The following ISM1 variants were observed in gnomAD, a reference collection of about 807,000 sequenced individuals.
ISM1 encodes isthmin-1.
Under a neutral mutation model 46.3 loss-of-function variants are expected in ISM1, and 25 were observed. That is an observed-to-expected ratio of 0.54 (90% CI 0.39 to 0.75). The LOEUF (loss-of-function observed/expected upper bound fraction) is 0.75. Ranked by LOEUF, ISM1 falls within the 30% of genes least tolerant of loss-of-function variation. ISM1 has a pLI of 0.00. For missense variants in ISM1, 536 were observed against 625.4 expected, an observed-to-expected ratio of 0.86 and a Z score of 1.52; for synonymous variants, 255 against 256.7, an observed-to-expected ratio of 0.99 and a Z score of 0.06.
the ISM1 span, among the ~76,000 whole-genome samples, chr20:13,318,208 CA>C: frequency 6.6e-6 from 1 of 151,332 alleles, no homozygotes; most frequent in African/African-American, 2.4e-5. Context: ...AGAAGATATA[CA>C]GATGGCAAAT....
chr20:13,319,739 C>G, the ISM1 span, among the ~76,000 whole-genome samples: 9 of 152,208 alleles, frequency 5.9e-5, no homozygotes, highest in Admixed American at 6.5e-5. Flanking sequence ...CCCCCTCCCC[C>G]CTGCACACAC....
intron 1 of ISM1, among the ~76,000 whole-genome samples, chr20:13,227,786 G>A (rs1458192955): frequency 6.6e-6 from 1 of 152,068 alleles, no homozygotes; most frequent in Non-Finnish European, 1.5e-5. Flanking sequence ...GGGATTACAG[G>A]TGTGAGCCAC....
At chr20:13,273,771 A>T (rs2040142084) in intron 2 of ISM1, among the ~76,000 whole-genome samples, 1 of 152,186 alleles carries the variant, frequency 6.6e-6, no homozygotes, top group Admixed American at 6.5e-5. Flanking sequence ...CAAAAAGAGT[A>T]AGCCAACAAT....
At chr20:13,258,077 C>T (rs1017143641) in intron 1 of ISM1, among the ~76,000 whole-genome samples, 2 of 152,074 alleles carry the variant, frequency 1.3e-5, no homozygotes, top group Admixed American at 1.3e-4. Context: ...GTGCCTGGAA[C>T]GGGTGGTATT....
At chr20:13,237,139 C>G (rs996947967) in intron 1 of ISM1, among the ~76,000 whole-genome samples, 2 of 152,178 alleles carry the variant, frequency 1.3e-5, no homozygotes, top group Admixed American at 1.3e-4. Context: ...GAAGTCCCTC[C>G]CACAACACAT....
intron 1 of ISM1, among the ~76,000 whole-genome samples, chr20:13,265,090 C>T (rs991863976): frequency 1.3e-5 from 2 of 152,272 alleles, no homozygotes; most frequent in Non-Finnish European, 2.9e-5. Context: ...CATATGAAAA[C>T]AGCAGGTGTC....
At chr20:13,296,225 T>A (rs2040405549) in intron 5 of ISM1, among the ~76,000 whole-genome samples, 1 of 152,122 alleles carries the variant, frequency 6.6e-6, no homozygotes, top group Non-Finnish European at 1.5e-5. Context: ...CACCTCCAAC[T>A]GGCAACCCCT....
intron 5 of ISM1, 139 bp from the exon 6 acceptor site, chr20:13,298,803 T>C: frequency 2.7e-6 from 2 of 751,494 alleles, no homozygotes; most frequent in South Asian, 1.8e-5. Flanking sequence ...AGGACAGGAG[T>C]TGTTGACTTC....
chr20:13,250,079 T>G (rs2039850112), intron 1 of ISM1, among the ~76,000 whole-genome samples: 1 of 152,174 alleles, frequency 6.6e-6, no homozygotes. Context: ...ATCATGCATG[T>G]TCTCTTTTTC....
At chr20:13,262,958 A>G (rs1196361652) in intron 1 of ISM1, among the ~76,000 whole-genome samples, 5 of 152,224 alleles carry the variant, frequency 3.3e-5, no homozygotes, top group African/African-American at 4.8e-5. Context: ...GCTATTAGTC[A>G]GACCGTGACA....
chr20:13,237,128 TG>T (rs1002237152), intron 1 of ISM1, among the ~76,000 whole-genome samples: 2 of 152,140 alleles, frequency 1.3e-5, no homozygotes, highest in Non-Finnish European at 2.9e-5. Context: ...GCAGCACACA[TG>T]AAGTCCCTCC....
chr20:13,299,134 A>G lies in ISM1; in HGVS notation c.1070A>G (p.Lys357Arg). 1 of 1,612,910 alleles carries G rather than the reference A, an allele frequency of 6.2e-7. No homozygotes were observed. ...AAGGACGCCAGCGGGCCCAAGGAGA[A>G]GCTGGAGATCTACAAGCCCACTGCC... ...RWKDASGPKE[K>R]LEIYKPTARY... is the part of the protein sequence containing the mutation. Residue 357 changes from lysine to arginine, a missense_variant, in exon 6 of 6, where the codon AAG becomes AGG. Coordinates refer to ENST00000262487, the MANE Select transcript of ISM1 (RefSeq NM_080826.2). This position sits in a 1 kb window ranked among gnomAD's most constrained non-coding sequence, Gnocchi z 5.8.
chr20:13,280,396 C>T (rs920368014), intron 3 of ISM1, among the ~76,000 whole-genome samples: 26 of 147,998 alleles, frequency 1.8e-4, no homozygotes, highest in Admixed American at 2.0e-4. Context: ...AAGTAACCCC[C>T]CCCCCCCAAT....
chr20:13,256,730 C>T (rs553876635), intron 1 of ISM1, among the ~76,000 whole-genome samples: 9 of 152,176 alleles, frequency 5.9e-5, no homozygotes, highest in Non-Finnish European at 1.3e-4. Flanking sequence ...CAGCTGTTTA[C>T]ACCCCTAGTA....
chr20:13,314,580 T>C, the ISM1 span, among the ~76,000 whole-genome samples: 1 of 151,518 alleles, frequency 6.6e-6, no homozygotes, highest in Non-Finnish European at 1.5e-5. Context: ...CAAACAAAAA[T>C]GGATGGAATT....
chr20:13,308,231 G>T, the ISM1 span, among the ~76,000 whole-genome samples: 1 of 152,196 alleles, frequency 6.6e-6, no homozygotes, highest in East Asian at 1.9e-4. Context: ...GAATGGCCCA[G>T]TGGGGGTGTC....
chr20:13,223,553 A>C (rs970976830), intron 1 of ISM1, among the ~76,000 whole-genome samples: 2 of 152,244 alleles, frequency 1.3e-5, no homozygotes, highest in South Asian at 2.1e-4. Flanking sequence ...AGACTAAAGC[A>C]AGGTGATTAT....
At chr20:13,275,275 G>A (rs561483062) in intron 2 of ISM1, among the ~76,000 whole-genome samples, 193 of 152,128 alleles carry the variant, frequency 1.3e-3, no homozygotes, top group African/African-American at 4.3e-3. Context: ...CCTCTTGAGC[G>A]CCACAAGATA....
the ISM1 span, among the ~76,000 whole-genome samples, chr20:13,309,692 A>C: frequency 1.3e-5 from 2 of 152,204 alleles, no homozygotes; most frequent in Non-Finnish European, 2.9e-5. Context: ...TTATATTCAG[A>C]AAATCCTAAA....
Sources: gnomAD v4.1 joint callset for allele counts (sites outside exome capture counted in the v4.1 genomes callset) on GRCh38, gnomAD v4.1.1 for gene constraint, Gnocchi (gnomAD v3.1) non-coding constraint, MANE v1.5 for transcripts, NCBI Gene and HGNC (gene_info 2026-07-23, HGNC 2026-07-21) for gene names.